The following MGAT4C variants were observed in gnomAD, a reference collection of about 807,000 sequenced individuals.
MGAT4C encodes the protein MGAT4 family member C.
In MGAT4C, 19 loss-of-function variants were observed where a neutral mutation model predicts 40.1. That is an observed-to-expected ratio of 0.47 (90% CI 0.33 to 0.70). MGAT4C has a LOEUF of 0.70. Among genes scored for constraint, MGAT4C ranks in the 30% least tolerant of loss-of-function variants. The pLI is 0.02. For missense variants in MGAT4C, 491 were observed against 563.2 expected, an observed-to-expected ratio of 0.87 and a Z score of 1.30; for synonymous variants, 181 against 187.1, an observed-to-expected ratio of 0.97 and a Z score of 0.27.
intron 3 of MGAT4C, among the ~76,000 whole-genome samples, chr12:86,346,262 TCGCCC>T (rs1428686895): frequency 2.0e-5 from 3 of 152,252 alleles, no homozygotes; most frequent in African/African-American, 7.2e-5. Flanking sequence ...TCTCACTTCT[TCGCCC>T]AGGCTGGAAT....
intron 1 of MGAT4C, among the ~76,000 whole-genome samples, chr12:86,756,175 T>C (rs1951301432): frequency 6.6e-6 from 1 of 152,120 alleles, no homozygotes; most frequent in Admixed American, 6.6e-5. Flanking sequence ...AGGCTGGCCA[T>C]TGTTTCAAAG....
chr12:86,807,030 A>T (rs1375251448), intron 1 of MGAT4C, among the ~76,000 whole-genome samples: 1 of 142,246 alleles, frequency 7.0e-6, no homozygotes, highest in Non-Finnish European at 1.6e-5. Flanking sequence ...TAAATAAAAA[A>T]TAAATAAATA....
intron 4 of MGAT4C, among the ~76,000 whole-genome samples, chr12:86,317,944 C>A (rs1314796043): frequency 6.6e-6 from 1 of 151,392 alleles, no homozygotes; most frequent in Non-Finnish European, 1.5e-5. Context: ...TCATAGTTAT[C>A]CTTTTCCTTC....
chr12:86,625,853 A>T (rs1031727540), intron 2 of MGAT4C, among the ~76,000 whole-genome samples: 1 of 152,160 alleles, frequency 6.6e-6, no homozygotes, highest in Admixed American at 6.5e-5. Context: ...AATCAGAAAC[A>T]TATAAAATTA....
chr12:86,832,405 A>G (rs1418975994), intron 1 of MGAT4C, among the ~76,000 whole-genome samples: 1 of 151,818 alleles, frequency 6.6e-6, no homozygotes, highest in African/African-American at 2.4e-5. Context: ...GATTTTCTAT[A>G]AGTCTGACGT....
At chr12:86,301,263 T>C (rs929931079) in intron 4 of MGAT4C, among the ~76,000 whole-genome samples, 2 of 152,194 alleles carry the variant, frequency 1.3e-5, no homozygotes, top group Non-Finnish European at 2.9e-5. Flanking sequence ...TAGATAAGAA[T>C]CATTTATCAT....
intron 1 of MGAT4C, among the ~76,000 whole-genome samples, chr12:86,831,333 G>T (rs144834091): frequency 6.6e-6 from 1 of 151,822 alleles, no homozygotes; most frequent in African/African-American, 2.4e-5. Flanking sequence ...AGAGAGCTAC[G>T]AGATGAACCA....
At chr12:86,174,995 T>C (rs1314523053) in intron 1 of MGAT4C, among the ~76,000 whole-genome samples, 1 of 152,064 alleles carries the variant, frequency 6.6e-6, no homozygotes, top group Non-Finnish European at 1.5e-5. Context: ...ATAAATAGAA[T>C]TGCCATGTAT....
rs1374037276 is a variant in MGAT4C at position 85,964,053 on chromosome 12, T to C, written c.*15236A>G. 1 of 151,812 alleles carries C rather than the reference T, an allele frequency of 6.6e-6. No homozygotes were observed. The highest frequency in any genetic ancestry group is 2.4e-5 in the African/African-American group (1 of 41,352). The allele number at this position is 151,812 out of a possible 1,614,324, so 9.4% of individuals were successfully genotyped here. A position where few individuals can be genotyped will look rare whatever the true frequency, so the allele number is the denominator to read the frequency against. ...TAGATAAACAAGCAGAAAACAAAAC[T>C]ATAGAAAAAAGTCAAAGTGACATAA... is the stretch of plus-strand genomic sequence containing the variant. On this transcript the variant is annotated 3_prime_UTR_variant, in exon 5 of 5. Coordinates refer to ENST00000611864, the MANE Select transcript of MGAT4C (RefSeq NM_001351288.2).
intron 1 of MGAT4C, among the ~76,000 whole-genome samples, chr12:86,139,106 T>A (rs571676116): frequency 3.3e-5 from 5 of 152,324 alleles, no homozygotes; most frequent in Admixed American, 3.3e-4. Flanking sequence ...ATTTTTCTGA[T>A]AATTTTCAAA....
At chr12:86,517,738 C>T (rs373968533) in intron 2 of MGAT4C, among the ~76,000 whole-genome samples, 6 of 152,262 alleles carry the variant, frequency 3.9e-5, no homozygotes, top group Admixed American at 2.6e-4. Context: ...TTCCGCCTCC[C>T]GGGTTCACGC....
rs188470815 is a variant in MGAT4C, at chr12:86,149,975, G to C, written c.-56-100252C>G. Among the ~76,000 whole-genome samples, 74 of 152,278 alleles carry C rather than the reference G, an allele frequency of 4.9e-4. 1 individual carries two copies. The East Asian group carries it at 0.012, about 25-fold the overall frequency. ...TCACTGTATTTGTGCAGACATCTAA[G>C]TCAGTGGTCCCCAACTTTTTGGCAC... On this transcript the variant is annotated intron_variant, in intron 1 of 4. Transcript: ENST00000611864.
intron 3 of MGAT4C, 66 bp downstream of exon 3, chr12:85,989,334 T>C: frequency 2.1e-6 from 3 of 1,407,468 alleles, no homozygotes; most frequent in Non-Finnish European, 2.9e-6. Flanking sequence ...TAGGCTACAA[T>C]GGGACTAATT....
intron 4 of MGAT4C, among the ~76,000 whole-genome samples, chr12:86,326,296 TCACACACACACA>T (rs3047013): frequency 3.4e-4 from 48 of 140,844 alleles, no homozygotes; most frequent in South Asian, 1.4e-3. Context: ...AGTATTCTCA[TCACACACACACA>T]CACACACACA....
At position 86,709,480 on chromosome 12, in the gene MGAT4C, A is replaced by G. The variant is rs372887130; in HGVS notation, c.-229+17729T>C. Among the ~76,000 whole-genome samples, 23 of 152,356 alleles carry G rather than the reference A, an allele frequency of 1.5e-4. No individual in the cohort carries two copies. The South Asian group carries it at 4.8e-3, about 32-fold the overall frequency. On this transcript the variant is annotated intron_variant, in intron 2 of 7. Transcript: ENST00000548651. The stretch of plus-strand genomic sequence containing the variant: ...CTTTTGTACTTAGACTCAAAGTATT[A>G]GAAAAAAATCTTGAAATTTATATAC...
At chr12:86,111,128 G>A (rs1479406117) in intron 1 of MGAT4C, among the ~76,000 whole-genome samples, 2 of 151,676 alleles carry the variant, frequency 1.3e-5, no homozygotes, top group Non-Finnish European at 3.0e-5. Flanking sequence ...TGGCATTTTA[G>A]GGAGACTAAT....
intron 3 of MGAT4C, among the ~76,000 whole-genome samples, chr12:86,359,325 G>C (rs1955398350): frequency 6.6e-6 from 1 of 152,156 alleles, no homozygotes; most frequent in Non-Finnish European, 1.5e-5. Flanking sequence ...CACATTTAAA[G>C]CCGTGTGTAG....
chr12:86,412,403 CT>C (rs1371803841), intron 3 of MGAT4C, among the ~76,000 whole-genome samples: 3 of 152,202 alleles, frequency 2.0e-5, no homozygotes, highest in African/African-American at 7.2e-5. Context: ...GAGCCCAACT[CT>C]TGGTTCAGTG....
chr12:86,533,927 T>C (rs938025579), intron 2 of MGAT4C, among the ~76,000 whole-genome samples: 1 of 152,038 alleles, frequency 6.6e-6, no homozygotes, highest in African/African-American at 2.4e-5. Flanking sequence ...AGCAGACTCT[T>C]TGTAGCAATA....
Sources: gnomAD v4.1 joint callset for allele counts (sites outside exome capture counted in the v4.1 genomes callset) on GRCh38, gnomAD v4.1.1 for gene constraint, MANE v1.5 for transcripts, NCBI Gene and HGNC (gene_info 2026-07-23, HGNC 2026-07-21) for gene names.